CORO2B: variants seen among roughly 807,000 people sequenced by gnomAD.
CORO2B encodes the protein coronin-2B.
Under a neutral mutation model 58.8 loss-of-function variants are expected in CORO2B, and 26 were observed. The observed-to-expected ratio is 0.44, with a 90% CI of 0.32 to 0.61. The LOEUF is 0.61. Among genes scored for constraint, CORO2B ranks in the 20% least tolerant of loss-of-function variants. The probability of loss-of-function intolerance (pLI) is 0.04; values close to 1 mark genes in which losing one functional copy is unlikely to be tolerated. For missense variants in CORO2B, 460 were observed against 645.1 expected, an observed-to-expected ratio of 0.71 and a Z score of 3.11; for synonymous variants, 242 against 253.8, an observed-to-expected ratio of 0.95 and a Z score of 0.44.
chr15:68,560,489 G>A, the CORO2B span, among the ~76,000 whole-genome samples: 1 of 151,806 alleles, frequency 6.6e-6, no homozygotes, highest in Admixed American at 6.6e-5. Flanking sequence ...TGTAGAAACG[G>A]GGTCTCAATA....
chr15:68,700,121 C>T (rs753002741), intron 3 of CORO2B, among the ~76,000 whole-genome samples: 5 of 152,138 alleles, frequency 3.3e-5, no homozygotes, highest in South Asian at 2.1e-4. Context: ...CCTGAGGCAT[C>T]GGCCACCGAG....
chr15:68,647,570 T>A (rs929265907), intron 2 of CORO2B, among the ~76,000 whole-genome samples: 2 of 151,940 alleles, frequency 1.3e-5, no homozygotes, highest in African/African-American at 4.8e-5. Flanking sequence ...ATGCCTGTAA[T>A]TCCGGCTGCT....
At chr15:68,531,022 T>TC in the CORO2B span, among the ~76,000 whole-genome samples, 8 of 152,232 alleles carry the variant, frequency 5.3e-5, no homozygotes, top group Non-Finnish European at 1.2e-4. Flanking sequence ...CAGGGGTTGC[T>TC]CTGTGGCTTA....
rs1893310513 is a variant in CORO2B, at chr15:68,726,762, C to G, written c.*788C>G. The stretch of plus-strand genomic sequence containing the variant: ...GTCACCCAGCAGGTCAACAATGGGC[C>G]CACGACCAAGACCCTGGGTGTTCAG... On this transcript the variant is annotated 3_prime_UTR_variant, in exon 12 of 12. Coordinates refer to ENST00000261861, the MANE Select transcript of CORO2B (RefSeq NM_006091.5). 1 of 152,206 alleles carries G rather than the reference C, an allele frequency of 6.6e-6. No individual in the cohort carries two copies. Among genetic ancestry groups the G allele is most frequent in the Non-Finnish European group, 1.5e-5 (1 of 68,074 alleles). The allele number at this position is 152,206 out of a possible 1,614,324, so 9.4% of individuals were successfully genotyped here.
chr15:68,713,830 G>A, intron 5 of CORO2B, 95 bp from the exon 6 acceptor site: 1 of 806,256 alleles, frequency 1.2e-6, no homozygotes, highest in Non-Finnish European at 2.1e-6. Context: ...CCAGGGCTGA[G>A]GACATGGGTG....
intron 2 of CORO2B, among the ~76,000 whole-genome samples, chr15:68,691,327 C>CAAAAA (rs1192260415): frequency 0.011 from 108 of 9,538 alleles, 2 homozygotes; most frequent in East Asian, 0.031. Context: ...GACTCCGTCT[C>CAAAAA]AAAAAAAAAA....
At chr15:68,664,216 C>A (rs1902110255) in intron 2 of CORO2B, among the ~76,000 whole-genome samples, 2 of 151,998 alleles carry the variant, frequency 1.3e-5, no homozygotes, top group African/African-American at 4.8e-5. Context: ...ACAAGTATAT[C>A]TTGGTTAAAA....
At chr15:68,548,007 C>T in the CORO2B span, among the ~76,000 whole-genome samples, 1 of 151,864 alleles carries the variant, frequency 6.6e-6, no homozygotes, top group Non-Finnish European at 1.5e-5. Context: ...CCTGTCTCTA[C>T]TAAAAATACA....
the CORO2B span, among the ~76,000 whole-genome samples, chr15:68,521,180 G>T: frequency 6.6e-6 from 1 of 151,858 alleles, no homozygotes; most frequent in East Asian, 1.9e-4. Flanking sequence ...ATTTTTCCTA[G>T]ACCTGTTTTA....
intron 3 of CORO2B, among the ~76,000 whole-genome samples, chr15:68,695,623 A>C (rs1482297301): frequency 6.6e-6 from 1 of 152,230 alleles, no homozygotes; most frequent in African/African-American, 2.4e-5. Flanking sequence ...CTGGATGGGC[A>C]TGAGGAAAAG....
intron 2 of CORO2B, among the ~76,000 whole-genome samples, chr15:68,668,689 TCTA>T (rs1902278503): frequency 6.6e-6 from 1 of 152,188 alleles, no homozygotes. Context: ...TGGATTTTCT[TCTA>T]GGTGATGTGG....
the CORO2B span, among the ~76,000 whole-genome samples, chr15:68,550,935 C>T: frequency 4.6e-5 from 7 of 152,328 alleles, no homozygotes; most frequent in Non-Finnish European, 1.0e-4. Context: ...CTCCCCACAC[C>T]TCCAGTCTCC....
At chr15:68,531,168 T>G in the CORO2B span, among the ~76,000 whole-genome samples, 1 of 152,072 alleles carries the variant, frequency 6.6e-6, no homozygotes, top group Non-Finnish European at 1.5e-5. Context: ...ATACACTTAT[T>G]CAATTGTCTT....
intron 2 of CORO2B, among the ~76,000 whole-genome samples, chr15:68,659,111 C>CGGTCT (rs1901927667): frequency 6.6e-6 from 1 of 152,198 alleles, no homozygotes; most frequent in East Asian, 1.9e-4. Flanking sequence ...CTGCAGTGGA[C>CGGTCT]GGTCTGCCTT....
the CORO2B span, among the ~76,000 whole-genome samples, chr15:68,571,443 A>T: frequency 2.0e-5 from 3 of 152,224 alleles, no homozygotes; most frequent in African/African-American, 7.2e-5. Context: ...ATGACATTTG[A>T]CAATAAAGAA....
chr15:68,712,460 A>G (rs1892942366), intron 5 of CORO2B, among the ~76,000 whole-genome samples: 1 of 152,198 alleles, frequency 6.6e-6, no homozygotes, highest in Non-Finnish European at 1.5e-5. Flanking sequence ...CCCAAAGGAA[A>G]TGCTCATTGG....
intron 1 of CORO2B, among the ~76,000 whole-genome samples, chr15:68,590,247 C>G (rs1446125270): frequency 6.6e-6 from 1 of 152,060 alleles, no homozygotes; most frequent in Non-Finnish European, 1.5e-5. Context: ...CCACCGCCCC[C>G]CTCTCCCAGG....
intron 1 of CORO2B, among the ~76,000 whole-genome samples, chr15:68,627,166 C>A (rs913512036): frequency 1.3e-5 from 2 of 152,170 alleles, no homozygotes; most frequent in African/African-American, 4.8e-5. Context: ...AAACGTATTA[C>A]TTATAAAATT....
chr15:68,700,580 C>T (rs8023344), intron 3 of CORO2B, among the ~76,000 whole-genome samples: 4,710 of 152,156 alleles, frequency 0.031, 228 homozygotes, highest in African/African-American at 0.1. Flanking sequence ...CAGGCCCTTC[C>T]CCAGGGGCTT....
Sources: gnomAD v4.1 joint callset for allele counts (sites outside exome capture counted in the v4.1 genomes callset) on GRCh38, gnomAD v4.1.1 for gene constraint, MANE v1.5 for transcripts, NCBI Gene and HGNC (gene_info 2026-07-23, HGNC 2026-07-21) for gene names.